The following PCSK1 variants were observed in gnomAD, a reference collection of about 807,000 sequenced individuals.
PCSK1 encodes proprotein convertase subtilisin/kexin type 1, also known as neuroendocrine convertase 1.
PCSK1 carries 56 observed loss-of-function variants against 90.6 expected under a neutral mutation model. The observed-to-expected ratio is 0.62, with a 90% CI of 0.50 to 0.77. The LOEUF is 0.77. PCSK1 is among the 30% of genes least tolerant of loss of function. The pLI is 0.00. For missense variants in PCSK1, 801 were observed against 932.6 expected (o/e 0.86, Z 1.84); for synonymous variants, 348 against 342.4 (o/e 1.02, Z -0.18).
chr5:96,423,365 G>A lies in PCSK1; in HGVS notation c.491C>T (p.Thr164Ile), dbSNP rs746675060. The part of the protein sequence containing the change: ...KGITGKGVVI[T>I]VLDDGLEWNH... ...CCACTCCAAACCATCATCCAGTACG[G>A]TGATAACAACTCCTTTGCCCGTAAT... The change falls in exon 4 of 14, where the codon ACC becomes ATC. Residue 164 changes from threonine (T) to isoleucine (I), a missense_variant. Physicochemically the swap from Thr to Ile is moderately conservative, Grantham distance 89. Coordinates refer to ENST00000311106, the MANE Select transcript of PCSK1 (RefSeq NM_000439.5). The A allele has an allele frequency of 6.2e-7, 1 of 1,613,774 alleles. No homozygotes were observed. Among genetic ancestry groups the A allele is most frequent in the South Asian group, 1.1e-5 (1 of 90,976 alleles).
chr5:96,398,177 G>A (rs1760229479), intron 11 of PCSK1, among the ~76,000 whole-genome samples: 1 of 152,112 alleles, frequency 6.6e-6, no homozygotes. Flanking sequence ...AATTAACAGA[G>A]CCTATTCCAA....
Position 96,408,228 on chromosome 5 carries a change from T to G in PCSK1, c.1191A>C (p.Glu397Asp), listed in dbSNP as rs1225264255. 6.2e-7 allele frequency: 1 copy of G among 1,612,372 alleles called. No homozygotes were observed. Among genetic ancestry groups the G allele is most frequent in the East Asian group, 2.2e-5 (1 of 44,886 alleles). ...AGAAGCTTTCTGGGCCTTACTTTGC[T>G]TCCAGGGCCAGAGCGAAGATGCCAG... ...LAAGIFALAL[E>D]ANPNLTWRDM... is the part of the protein sequence containing the mutation. The change falls in exon 9 of 14, where the codon GAA becomes GAC. Residue 397 changes from glutamate to aspartate, a missense_variant. Transcript: ENST00000311106.
In PCSK1 at chr5:96,400,020, G is replaced by A; in HGVS notation, c.1363C>T (p.Pro455Ser). Residue 455 changes from proline (P) to serine (S), a missense_variant, in exon 10 of 14, where the codon CCC becomes TCC. By Grantham distance (74) the Pro-to-Ser change is moderately conservative (BLOSUM62 -1). Coordinates refer to ENST00000311106, the MANE Select transcript of PCSK1 (RefSeq NM_000439.5). ...TCAGGCACGCTCCTCCAGGTCCTGG[G>A]GTCAGCTAAATCCACCAGAGCTTTG... is the stretch of plus-strand genomic sequence containing the variant. The part of the protein sequence containing the change: ...NAKALVDLAD[P>S]RTWRSVPEKK... The A allele has an allele frequency of 6.2e-7, 1 of 1,614,162 alleles. No individual in the cohort carries two copies.
At chr5:96,411,086 G>A (rs928900928) in intron 7 of PCSK1, 100 bp from the exon 8 acceptor site, 6 of 878,092 alleles carry the variant, frequency 6.8e-6, no homozygotes, top group African/African-American at 4.9e-5. Context: ...GAAATTCTCA[G>A]AGACAGCTAT....
intron 6 of PCSK1, 114 bp downstream of exon 6, chr5:96,415,919 G>C (rs1398521086): frequency 6.8e-6 from 5 of 740,656 alleles, no homozygotes; most frequent in African/African-American, 1.7e-5. Flanking sequence ...CTTTGGCATG[G>C]AACTAATTTG....
chr5:96,421,900 A>G lies in PCSK1; in HGVS notation c.600T>C (p.Tyr200=), dbSNP rs773674255. The part of the protein sequence containing the change: ...NDNDHDPFPR[Y]DPTNENKHGT... ...CTCACTTGTTCTCGTTTGTGGGATC[A>G]TATCGGGGAAATGGATCATGGTCAT... The change falls in exon 5 of 14, where the codon TAT becomes TAC. Residue 200 remains tyrosine, a synonymous_variant. Coordinates refer to ENST00000311106, the MANE Select transcript of PCSK1 (RefSeq NM_000439.5). 10 of 1,575,990 alleles carry G rather than the reference A, an allele frequency of 6.3e-6. No homozygotes were observed. Among genetic ancestry groups the G allele is most frequent in the Middle Eastern group, 1.7e-4 (1 of 6,026 alleles).
At chr5:96,397,748 G>C (rs1425751836) in intron 11 of PCSK1, among the ~76,000 whole-genome samples, 2 of 151,908 alleles carry the variant, frequency 1.3e-5, no homozygotes, top group African/African-American at 4.8e-5. Flanking sequence ...TGTTGACTAA[G>C]GTTTATTTAA....
At chr5:96,426,611 A>C (rs115689222) in intron 2 of PCSK1, among the ~76,000 whole-genome samples, 3,743 of 152,298 alleles carry the variant, frequency 0.025, 149 homozygotes, top group African/African-American at 0.086. Context: ...ACAGCATAAT[A>C]CTATTATACT....
intron 3 of PCSK1, among the ~76,000 whole-genome samples, chr5:96,424,121 A>G (rs1761211517): frequency 6.6e-6 from 1 of 152,246 alleles, no homozygotes; most frequent in South Asian, 2.1e-4. Flanking sequence ...ACACAGATAT[A>G]AGCACATTTC....
rs1760443389 is a variant in PCSK1 at position 96,403,195 on chromosome 5, T to A, written c.1197-3009A>T. ...GTTGCAGGTTATTTTGTTTTAAAAA[T>A]TTCCTTTATCTAGTCTCTGCAAAAT... is the stretch of plus-strand genomic sequence containing the variant. On this transcript the variant is annotated intron_variant, in intron 9 of 13. Transcript: ENST00000311106. Among the ~76,000 whole-genome samples, 6 of 152,310 alleles carry A rather than the reference T, an allele frequency of 3.9e-5. No homozygotes were observed. The South Asian group carries it at 8.3e-4, about 21-fold the overall frequency.
intron 9 of PCSK1, among the ~76,000 whole-genome samples, chr5:96,405,538 G>A (rs557268177): frequency 5.9e-5 from 9 of 152,260 alleles, no homozygotes; most frequent in Middle Eastern, 6.8e-3. Context: ...AGGCATGGTG[G>A]CACATGCCTG....
chr5:96,399,971 T>A lies in PCSK1; in HGVS notation c.1412A>T (p.Asp471Val). Reference protein sequence around the residue: ...VPEKKECVVKDNDFEPRALKA... With the variant: ...VPEKKECVVKVNDFEPRALKA... ...TACTTACCTGGGCTCAAAGTCATTG[T>A]CCTTTACAACACACTCTTTCTTCTC... Residue 471 changes from aspartate to valine, a missense_variant, in exon 10 of 14, where the codon GAC becomes GTC. By Grantham distance (152) the Asp-to-Val change is radical (BLOSUM62 -3). Coordinates refer to ENST00000311106, the MANE Select transcript of PCSK1 (RefSeq NM_000439.5). 6.2e-7 allele frequency: 1 copy of A among 1,613,504 alleles called. No individual in the cohort carries two copies. The highest frequency in any genetic ancestry group is 8.5e-7 in the Non-Finnish European group (1 of 1,179,442).
chr5:96,410,678 C>T (rs373616897), intron 8 of PCSK1, 96 bp downstream of exon 8: 23 of 1,004,498 alleles, frequency 2.3e-5, no homozygotes, highest in African/African-American at 1.4e-4. Context: ...CAAGCTTAAG[C>T]GAATCAGTCG....
Position 96,392,891 on chromosome 5 carries a change from G to A in PCSK1, c.*110C>T. On this transcript the variant is annotated 3_prime_UTR_variant, in exon 14 of 14. Transcript: ENST00000311106. ...GGAGAAAAAGAAAAGGTGCCACAAA[G>A]GATATTATAAGCATAAGAATTCATG... 9.1e-7 allele frequency: 1 copy of A among 1,101,268 alleles called. No individual in the cohort carries two copies. The highest frequency in any genetic ancestry group is 1.4e-6 in the Non-Finnish European group (1 of 725,906). The allele number at this position is 1,101,268 out of a possible 1,614,324, so 68.2% of individuals were successfully genotyped here.
intron 13 of PCSK1, among the ~76,000 whole-genome samples, chr5:96,393,826 C>A (rs1411671262): frequency 6.6e-6 from 1 of 152,160 alleles, no homozygotes; most frequent in Non-Finnish European, 1.5e-5. Flanking sequence ...GCTTTCAGAA[C>A]TACCCTTTTA....
chr5:96,417,006 A>C (rs1450968758), intron 5 of PCSK1, among the ~76,000 whole-genome samples: 3 of 152,216 alleles, frequency 2.0e-5, no homozygotes, highest in Non-Finnish European at 2.9e-5. Flanking sequence ...TCTATTGTGG[A>C]AACAACCTGT....
chr5:96,393,493 AG>A, intron 13 of PCSK1, 115 bp from the exon 14 acceptor site: 1 of 1,232,498 alleles, frequency 8.1e-7, no homozygotes, highest in Non-Finnish European at 1.2e-6. Flanking sequence ...CAATGAGGGG[AG>A]GGGAGAGAGT....
chr5:96,398,705 G>C (rs1483632661), intron 11 of PCSK1, among the ~76,000 whole-genome samples, 174 bp downstream of exon 11: 1 of 151,890 alleles, frequency 6.6e-6, no homozygotes, highest in East Asian at 1.9e-4. Flanking sequence ...AGTGGAAATG[G>C]GCAGGGCAGA....
Position 96,412,340 on chromosome 5 carries a change from G to A in PCSK1, c.860C>T (p.Ala287Val). 6.2e-7 allele frequency: 1 copy of A among 1,614,118 alleles called. No individual in the cohort carries two copies. The highest frequency in any genetic ancestry group is 8.5e-7 in the Non-Finnish European group (1 of 1,179,992). Residue 287 changes from alanine (A) to valine (V), a missense_variant, in exon 7 of 14, where the codon GCT becomes GTT. Coordinates refer to ENST00000311106, the MANE Select transcript of PCSK1 (RefSeq NM_000439.5). ...TACCTGTTTGACACCATATTCAAAAGCCTTCTGGGCTAGCCGGCCAGGCCC... is the reference window on the plus strand; with the variant it reads ...TACCTGTTTGACACCATATTCAAAAACCTTCTGGGCTAGCCGGCCAGGCCC... The part of the protein sequence containing the change: ...VEGPGRLAQK[A>V]FEYGVKQGRQ...
Sources: gnomAD v4.1 joint callset for allele counts (sites outside exome capture counted in the v4.1 genomes callset) on GRCh38, gnomAD v4.1.1 for gene constraint, MANE v1.5 for transcripts, NCBI Gene and HGNC (gene_info 2026-07-23, HGNC 2026-07-21) for gene names.